ADIG: variants seen among roughly 807,000 people sequenced by gnomAD.
ADIG encodes the protein adipogenesis associated.
Under a neutral mutation model 10.7 loss-of-function variants are expected in ADIG, and 12 were observed. The observed-to-expected ratio is 1.12, with a 90% CI of 0.72 to 1.82. The LOEUF (loss-of-function observed/expected upper bound fraction) is 1.82. Among genes scored for constraint, ADIG ranks in the 40% most tolerant of loss-of-function variants. ADIG has a pLI of 0.00. For synonymous variants in ADIG, 32 were observed against 35.6 expected (o/e 0.90, Z 0.36); for missense variants, 72 against 92.5 (o/e 0.78, Z 0.91).
At chr20:38,581,412 T>A (rs761224861) in intron 1 of ADIG, 38 bp downstream of exon 1, 1 of 1,612,848 alleles carries the variant, frequency 6.2e-7, no homozygotes, top group African/African-American at 1.3e-5. Flanking sequence ...ACCCTAATCC[T>A]GGAGCTAGGC....
intron 1 of ADIG, among the ~76,000 whole-genome samples, chr20:38,581,592 C>G (rs551404167): frequency 6.6e-6 from 1 of 152,256 alleles, no homozygotes; most frequent in South Asian, 2.1e-4. Flanking sequence ...GAGTTTGAAC[C>G]TAGAGTTCGA....
chr20:38,583,727 T>A (rs1264852077), intron 1 of ADIG, among the ~76,000 whole-genome samples: 2 of 152,154 alleles, frequency 1.3e-5, no homozygotes, highest in East Asian at 3.9e-4. Flanking sequence ...TCCAAAACCA[T>A]CCACAACCTA....
chr20:38,584,974 C>T (rs1421014666), intron 1 of ADIG, among the ~76,000 whole-genome samples: 5 of 152,208 alleles, frequency 3.3e-5, no homozygotes, highest in African/African-American at 1.2e-4. Flanking sequence ...GACGGGGTTT[C>T]GCCATGTTGG....
chr20:38,586,439 T>C (rs1348432489), intron 2 of ADIG, among the ~76,000 whole-genome samples: 6 of 152,116 alleles, frequency 3.9e-5, no homozygotes, highest in Non-Finnish European at 8.8e-5. Flanking sequence ...TTCCTGATGG[T>C]CTTTGGCCAG....
At chr20:38,583,949 G>T (rs1174514000) in intron 1 of ADIG, among the ~76,000 whole-genome samples, 1 of 152,076 alleles carries the variant, frequency 6.6e-6, no homozygotes, top group African/African-American at 2.4e-5. Flanking sequence ...CCAATGTCAG[G>T]GTTTGGGGGG....
At position 38,581,216 on chromosome 20, in the gene ADIG, A is replaced by C; in HGVS notation, c.-35A>C. 1 of 1,582,642 alleles carries C rather than the reference A, an allele frequency of 6.3e-7. No homozygotes were observed. Among genetic ancestry groups the C allele is most frequent in the Non-Finnish European group, 8.6e-7 (1 of 1,163,494 alleles). On this transcript the variant is annotated 5_prime_UTR_variant, in exon 1 of 3. Transcript: ENST00000537425. ...TCCCATGGGGCAGCCCTGCCAGCCC[A>C]GCCCAGGCTGGCCCAGCTTAGCCAC...
rs1481683949 is a variant in ADIG, at chr20:38,588,194, G to A, written c.*108G>A. 14 of 1,304,710 alleles carry A rather than the reference G, an allele frequency of 1.1e-5. No individual in the cohort carries two copies. The highest frequency in any genetic ancestry group is 1.3e-5 in the Non-Finnish European group (13 of 988,946). The allele number at this position is 1,304,710 out of a possible 1,614,324, so 80.8% of individuals were successfully genotyped here. A position where few individuals can be genotyped will look rare whatever the true frequency, so the allele number is the denominator to read the frequency against. Reference sequence around the variant, plus strand: ...GCAAGAGGACTTTGGCAACTGTGGTGCCTCCCTGGAACCCCCAACTCATCT... The same window carrying A: ...GCAAGAGGACTTTGGCAACTGTGGTACCTCCCTGGAACCCCCAACTCATCT... On this transcript the variant is annotated 3_prime_UTR_variant, in exon 3 of 3. Coordinates refer to ENST00000537425, the MANE Select transcript of ADIG (RefSeq NM_001393816.1).
At chr20:38,584,309 G>C (rs1290058921) in intron 1 of ADIG, among the ~76,000 whole-genome samples, 1 of 152,210 alleles carries the variant, frequency 6.6e-6, no homozygotes, top group Non-Finnish European at 1.5e-5. Flanking sequence ...GTCTGGCCAT[G>C]ACATGGCCAT....
intron 1 of ADIG, among the ~76,000 whole-genome samples, chr20:38,582,351 C>T (rs997226626): frequency 8.0e-5 from 12 of 149,642 alleles, no homozygotes; most frequent in African/African-American, 2.7e-4. Flanking sequence ...GAGCCGAGAT[C>T]ACACCACTGT....
chr20:38,587,171 T>A (rs1448355873), intron 2 of ADIG, among the ~76,000 whole-genome samples: 1 of 152,158 alleles, frequency 6.6e-6, no homozygotes, highest in Non-Finnish European at 1.5e-5. Context: ...TGTGGATTGA[T>A]TCTGTTGCCC....
rs1276530392 is a variant in ADIG at position 38,586,146 on chromosome 20, G to A, written c.242G>A (p.Ter81=). The change falls in exon 2 of 3, where the codon TGA becomes TAA. Residue 81 remains the stop codon, a stop_retained_variant. Coordinates refer to ENST00000537425, the MANE Select transcript of ADIG (RefSeq NM_001393816.1). The part of the protein sequence containing the change: ...HGQEKERPCW[*] ...CAAGAGAAGGAGAGGCCCTGCTGGT[G>A]AGCCTGCTGTGCCAGGTGAGGCCCT... The A allele has an allele frequency of 6.3e-7, 1 of 1,586,938 alleles. No individual in the cohort carries two copies. Among genetic ancestry groups the A allele is most frequent in the South Asian group, 1.2e-5 (1 of 86,554 alleles).
At chr20:38,583,437 C>T (rs1237158552) in intron 1 of ADIG, among the ~76,000 whole-genome samples, 1 of 152,216 alleles carries the variant, frequency 6.6e-6, no homozygotes, top group Non-Finnish European at 1.5e-5. Context: ...ATGGAGACAA[C>T]ACTAGTACCT....
chr20:38,587,922 G>A (rs368672912), intron 2 of ADIG, among the ~76,000 whole-genome samples, 179 bp from the exon 3 acceptor site: 1 of 152,054 alleles, frequency 6.6e-6, no homozygotes, highest in Non-Finnish European at 1.5e-5. Flanking sequence ...ATTTGTAGTA[G>A]AGACAAGGTT....
chr20:38,582,586 GTAAT>G lies in ADIG; in HGVS notation c.124+1215_124+1218del, dbSNP rs556284955. ...CTCAAATGTAGGGGCTTATAATTAT[GTAAT>G]TATTGGGAGTTCCTGGCAAGAACTT... On this transcript the variant is annotated intron_variant, in intron 1 of 2. Coordinates refer to ENST00000537425, the MANE Select transcript of ADIG (RefSeq NM_001393816.1). Among the ~76,000 whole-genome samples, 41 of 152,268 alleles carry G rather than the reference GTAAT, an allele frequency of 2.7e-4. No individual in the cohort carries two copies. In the East Asian group the frequency reaches 7.5e-3, roughly 28 times the overall value.
At chr20:38,581,411 C>T (rs1287199086) in intron 1 of ADIG, 37 bp downstream of exon 1, 2 of 1,612,968 alleles carry the variant, frequency 1.2e-6, no homozygotes, top group African/African-American at 1.3e-5. Flanking sequence ...GACCCTAATC[C>T]TGGAGCTAGG....
Position 38,588,083 on chromosome 20 carries a change from C to A in ADIG, c.*15-18C>A. ...ATCCCAATGGCATCCCTAGTCCCAACCTTCCTTTTGTTTCTAGTTTGGTTT... is the reference window on the plus strand; with the variant it reads ...ATCCCAATGGCATCCCTAGTCCCAAACTTCCTTTTGTTTCTAGTTTGGTTT... On this transcript the variant is annotated intron_variant, in intron 2 of 2. Coordinates refer to ENST00000537425, the MANE Select transcript of ADIG (RefSeq NM_001393816.1). 1 of 1,288,574 alleles carries A rather than the reference C, an allele frequency of 7.8e-7. No individual in the cohort carries two copies. The highest frequency in any genetic ancestry group is 1.0e-6 in the Non-Finnish European group (1 of 980,694). The allele number at this position is 1,288,574 out of a possible 1,614,324, so 79.8% of individuals were successfully genotyped here.
chr20:38,585,615 G>C, intron 1 of ADIG: 1 of 1,317,918 alleles, frequency 7.6e-7, no homozygotes, highest in Non-Finnish European at 1.1e-6. Context: ...TCGTGTGTGC[G>C]TGTTTCATCA....
intron 2 of ADIG, 84 bp from the exon 3 acceptor site, chr20:38,588,017 C>T: frequency 8.2e-7 from 1 of 1,218,094 alleles, no homozygotes; most frequent in Non-Finnish European, 1.1e-6. Flanking sequence ...GGATTACAGG[C>T]ATGAACCACC....
At chr20:38,586,257 G>C in intron 2 of ADIG, 96 bp downstream of exon 2, 4 of 948,846 alleles carry the variant, frequency 4.2e-6, no homozygotes, top group Non-Finnish European at 6.3e-6. Context: ...CCATATTAGA[G>C]GTATGCTCCC....
Sources: allele counts gnomAD v4.1 joint callset (sites outside exome capture counted in the v4.1 genomes callset), GRCh38; gene constraint gnomAD v4.1.1; transcripts MANE v1.5; gene names NCBI Gene and HGNC (gene_info 2026-07-23, HGNC 2026-07-21).